Variants in CCDC51 observed in about 807,000 individuals in gnomAD.
The protein encoded by CCDC51 is mitochondrial potassium channel.
CCDC51 carries 25 observed loss-of-function variants against 24.8 expected under a neutral mutation model. The ratio of observed to expected loss-of-function variants is 1.01; its 90% CI spans 0.73 to 1.41. The LOEUF (loss-of-function observed/expected upper bound fraction) is 1.41, where lower values mean the gene tolerates loss of function less well. Ranked by LOEUF, CCDC51 falls within the 40% of genes most tolerant of loss-of-function variation. The pLI is 0.00. For missense variants in CCDC51, 466 were observed against 519.1 expected (o/e 0.90, Z 0.99); for synonymous variants, 190 against 204.3 (o/e 0.93, Z 0.60).
At chr3:48,442,303 C>T (rs1420302896), upstream of CCDC51, among the ~76,000 whole-genome samples, 2 of 150,096 alleles carry the variant, frequency 1.3e-5, no homozygotes, top group African/African-American at 4.9e-5. Context: ...CTCTTTTAAT[C>T]TGTGATTGTG....
chr3:48,442,251 A>G (rs2039587199), upstream of CCDC51, among the ~76,000 whole-genome samples: 1 of 111,782 alleles, frequency 8.9e-6, no homozygotes, highest in Non-Finnish European at 1.8e-5. Context: ...ATAGAATGAG[A>G]CCCTATCTCA....
rs1272911929 is a variant in CCDC51, at chr3:48,437,506, C to T, written c.-8-2370G>A. Among the ~76,000 whole-genome samples, 1 of 152,104 alleles carries T rather than the reference C, an allele frequency of 6.6e-6. No individual in the cohort carries two copies. The highest frequency in any genetic ancestry group is 1.5e-5 in the Non-Finnish European group (1 of 68,036). Reference sequence around the variant, plus strand: ...GGAAAGTGCTTGAGGTCGCCCAAAACCTGAAAGGCAGTCAGTGCAACTGGA... The same window carrying T: ...GGAAAGTGCTTGAGGTCGCCCAAAATCTGAAAGGCAGTCAGTGCAACTGGA... On this transcript the variant is annotated intron_variant, in intron 1 of 3. Transcript: ENST00000395694. The surrounding 1 kb of genome is among the most constrained non-coding windows in gnomAD (Gnocchi z 4.2).
chr3:48,433,575 A>C lies in CCDC51; in HGVS notation c.477+132T>G. On this transcript the variant is annotated intron_variant, in intron 3 of 3. Transcript: ENST00000395694. This position sits in a 1 kb window ranked among gnomAD's most constrained non-coding sequence, Gnocchi z 4.4. ...GAAGCTTGGGGTTCTGTCCATCCAT[A>C]GGAGCTTCTGGCTCACCTCTGTACC... The C allele has an allele frequency of 5.3e-6, 5 of 946,068 alleles. No homozygotes were observed. The highest frequency in any genetic ancestry group is 6.4e-6 in the Non-Finnish European group (4 of 627,626). The allele number at this position is 946,068 out of a possible 1,614,324, so 58.6% of individuals were successfully genotyped here.
At chr3:48,443,988 GT>G (rs1318088233), upstream of CCDC51, 1 of 830,696 alleles carries the variant, frequency 1.2e-6, no homozygotes, top group Non-Finnish European at 1.7e-6. Flanking sequence ...GGAATTAAGT[GT>G]TGTCTTGGAG....
chr3:48,443,208 T>C (rs1294506624), upstream of CCDC51, among the ~76,000 whole-genome samples: 2 of 129,244 alleles, frequency 1.5e-5, no homozygotes, highest in Non-Finnish European at 3.1e-5. Context: ...ACCACCGCAG[T>C]CCAGCCTAGG....
chr3:48,440,239 G>GGGTGGGGCAGACGCTCCGTTTCC (rs2039520288), upstream of CCDC51: 1 of 1,564,016 alleles, frequency 6.4e-7, no homozygotes, highest in Non-Finnish European at 8.6e-7. Flanking sequence ...CTACGACAAA[G>GGGTGGGGCAGACGCTCCGTTTCC]GGTGGGGCAG....
In CCDC51 at chr3:48,433,777, C is replaced by T. The variant is rs748877989; in HGVS notation, c.407G>A (p.Arg136His). 1.9e-6 allele frequency: 3 copies of T among 1,613,956 alleles called. No homozygotes were observed. The highest frequency in any genetic ancestry group is 2.5e-6 in the Non-Finnish European group (3 of 1,180,004). The change falls in exon 3 of 4, where the codon CGC becomes CAC. Residue 136 changes from arginine to histidine, a missense_variant. Physicochemically the swap from Arg to His is conservative, Grantham distance 29. Coordinates refer to ENST00000395694, the MANE Select transcript of CCDC51 (RefSeq NM_001256964.2). The surrounding 1 kb of genome is among the most constrained non-coding windows in gnomAD (Gnocchi z 4.4). The stretch of plus-strand genomic sequence containing the variant: ...GTCCTCCCTGGAGACACGGTCCAAG[C>T]GGTCCCTCACCTCCTTCAGCTTGGC... ...HQAKLKEVRD[R>H]LDRVSREDSQ...
In CCDC51 at chr3:48,437,239, G is replaced by T. The variant is rs2039382643; in HGVS notation, c.-8-2103C>A. Among the ~76,000 whole-genome samples the T allele has an allele frequency of 6.6e-6, 1 of 152,058 alleles. No individual in the cohort carries two copies. The highest frequency in any genetic ancestry group is 1.5e-5 in the Non-Finnish European group (1 of 68,028). ...TGATGGATATATTTCCTTATGTGTT[G>T]CCTATTCTCTCACTAGAACATAAGC... On this transcript the variant is annotated intron_variant, in intron 1 of 3. Transcript: ENST00000395694. This position sits in a 1 kb window ranked among gnomAD's most constrained non-coding sequence, Gnocchi z 4.2.
chr3:48,433,061 T>C lies in CCDC51; in HGVS notation c.583A>G (p.Thr195Ala). Reference sequence around the variant, plus strand: ...CAGTTCTTGGTCCTCTCAGCCCTTGTGCGCTCCTTCTCATGACTTTCCCGC... The same window carrying C: ...CAGTTCTTGGTCCTCTCAGCCCTTGCGCGCTCCTTCTCATGACTTTCCCGC... The part of the protein sequence containing the change: ...AVRESHEKER[T>A]RAERTKNWSL... Residue 195 changes from threonine to alanine, a missense_variant, in exon 4 of 4, where the codon ACA (threonine) becomes GCA (alanine). Coordinates refer to ENST00000395694, the MANE Select transcript of CCDC51 (RefSeq NM_001256964.2). This position sits in a 1 kb window ranked among gnomAD's most constrained non-coding sequence, Gnocchi z 4.4. 1 of 1,614,210 alleles carries C rather than the reference T, an allele frequency of 6.2e-7. No homozygotes were observed. Among genetic ancestry groups the C allele is most frequent in the African/African-American group, 1.3e-5 (1 of 75,060 alleles).
At chr3:48,436,694 A>G (rs1473420034) in intron 1 of CCDC51, among the ~76,000 whole-genome samples, 2 of 152,192 alleles carry the variant, frequency 1.3e-5, no homozygotes, top group Non-Finnish European at 2.9e-5. Context: ...GGCTGGCACC[A>G]CTTTCAACAC....
the CCDC51 span, among the ~76,000 whole-genome samples, chr3:48,445,839 C>A: frequency 5.3e-5 from 8 of 152,194 alleles, no homozygotes; most frequent in African/African-American, 1.9e-4. Flanking sequence ...TTGCCAAATT[C>A]TCTATTGCGG....
At chr3:48,439,465 C>T (rs1007263208) in intron 1 of CCDC51, among the ~76,000 whole-genome samples, 16 of 152,180 alleles carry the variant, frequency 1.1e-4, no homozygotes, top group Non-Finnish European at 2.2e-4. Flanking sequence ...AACCCCGTCT[C>T]TACTAAAAAT....
chr3:48,441,590 G>A (rs1298032812), upstream of CCDC51, among the ~76,000 whole-genome samples: 1 of 151,948 alleles, frequency 6.6e-6, no homozygotes, highest in African/African-American at 2.4e-5. Flanking sequence ...TAAAGTCCAG[G>A]CTCTTCAGTG....
upstream of CCDC51, among the ~76,000 whole-genome samples, chr3:48,443,628 G>A (rs2039616879): frequency 2.0e-5 from 3 of 151,846 alleles, no homozygotes; most frequent in Admixed American, 2.0e-4. Context: ...CAGAAGTGTA[G>A]ATCTAGACCA....
At chr3:48,444,781 G>C (rs563279025), upstream of CCDC51, among the ~76,000 whole-genome samples, 2 of 152,282 alleles carry the variant, frequency 1.3e-5, no homozygotes, top group Admixed American at 1.3e-4. Context: ...CAAGTTGCTA[G>C]CAGTGAAGTC....
intron 2 of CCDC51, among the ~76,000 whole-genome samples, chr3:48,434,591 T>G (rs1181890860): frequency 1.3e-5 from 2 of 151,958 alleles, no homozygotes; most frequent in Non-Finnish European, 2.9e-5. Context: ...CCTCACAGAG[T>G]GGATGTTAGT....
chr3:48,434,984 G>A lies in CCDC51; in HGVS notation c.145C>T (p.Pro49Ser). 1 of 1,614,252 alleles carries A rather than the reference G, an allele frequency of 6.2e-7. No homozygotes were observed. The highest frequency in any genetic ancestry group is 1.1e-5 in the South Asian group (1 of 91,090). Residue 49 changes from proline to serine, a missense_variant, in exon 2 of 4, where the codon CCT becomes TCT. Transcript: ENST00000395694. ...TGCAGCCCCAGGGCCACCTCCTCAG[G>A]TCTTTTCTCTCCGGGCTGGCTTGGG... Reference protein sequence around the residue: ...PGPSQPGEKRPEEVALGLHHR... With the variant: ...PGPSQPGEKRSEEVALGLHHR...
chr3:48,434,635 T>C (rs1213539384), intron 2 of CCDC51, among the ~76,000 whole-genome samples, 182 bp downstream of exon 2: 1 of 152,220 alleles, frequency 6.6e-6, no homozygotes, highest in Non-Finnish European at 1.5e-5. Flanking sequence ...GTAACTGTTT[T>C]CGGGGAAAGT....
chr3:48,441,616 T>C (rs138369283), upstream of CCDC51, among the ~76,000 whole-genome samples: 1 of 152,222 alleles, frequency 6.6e-6, no homozygotes, highest in Non-Finnish European at 1.5e-5. Context: ...TTGCTCCATA[T>C]GCTTTTCTAA....
Sources: allele counts gnomAD v4.1 joint callset (sites outside exome capture counted in the v4.1 genomes callset), GRCh38; gene constraint gnomAD v4.1.1; non-coding constraint Gnocchi (gnomAD v3.1); transcripts MANE v1.5; gene names NCBI Gene and HGNC (gene_info 2026-07-23, HGNC 2026-07-21).